Variants in AKAP6 observed in about 807,000 individuals in gnomAD.
AKAP6 encodes A-kinase anchor protein 6.
Under a neutral mutation model 188.5 loss-of-function variants are expected in AKAP6, and 58 were observed. That is an observed-to-expected ratio of 0.31 (90% CI 0.25 to 0.38). The LOEUF is 0.38. Ranked by LOEUF, AKAP6 falls within the 10% of genes least tolerant of loss-of-function variation. AKAP6 has a pLI of 1.00. For missense variants in AKAP6, 2,710 were observed against 2,740.0 expected (o/e 0.99, Z 0.24); for synonymous variants, 989 against 998.6 (o/e 0.99, Z 0.18).
intron 11 of AKAP6, among the ~76,000 whole-genome samples, chr14:32,769,036 G>GTTTTTTTTTT (rs1566698267): frequency 2.7e-4 from 5 of 18,502 alleles, no homozygotes; most frequent in Admixed American, 8.5e-4. Flanking sequence ...CTGCTCTTTT[G>GTTTTTTTTTT]ATTTTTTTTT....
chr14:32,609,882 C>CTG (rs1163895964), intron 7 of AKAP6, among the ~76,000 whole-genome samples: 34 of 17,778 alleles, frequency 1.9e-3, no homozygotes, highest in Admixed American at 4.4e-3. Flanking sequence ...CTCTCTCTGA[C>CTG]ACACACACAC....
At chr14:32,664,965 A>G (rs1888858762) in intron 7 of AKAP6, among the ~76,000 whole-genome samples, 1 of 152,254 alleles carries the variant, frequency 6.6e-6, no homozygotes, top group South Asian at 2.1e-4. Context: ...AGATTAATGC[A>G]TTTCAATCTT....
At chr14:32,680,314 G>A (rs1163787350) in intron 8 of AKAP6, among the ~76,000 whole-genome samples, 1 of 152,152 alleles carries the variant, frequency 6.6e-6, no homozygotes, top group East Asian at 1.9e-4. Context: ...ATACAGAAAA[G>A]CATTGTTTGA....
intron 4 of AKAP6, among the ~76,000 whole-genome samples, chr14:32,557,581 C>A (rs1883745392): frequency 6.6e-6 from 1 of 152,216 alleles, no homozygotes; most frequent in Non-Finnish European, 1.5e-5. Flanking sequence ...ACCCACCATG[C>A]ACCAGTGTTC....
chr14:32,762,312 A>T (rs1338470040), intron 11 of AKAP6, among the ~76,000 whole-genome samples: 4 of 152,160 alleles, frequency 2.6e-5, no homozygotes, highest in Non-Finnish European at 5.9e-5. Context: ...AGTTTTCTTT[A>T]GAGTAACTTA....
intron 12 of AKAP6, among the ~76,000 whole-genome samples, chr14:32,779,091 T>G (rs1024420289): frequency 6.6e-6 from 1 of 152,026 alleles, no homozygotes; most frequent in African/African-American, 2.4e-5. Context: ...GAGTTACATG[T>G]TGCCTATGAG....
At chr14:32,429,138 G>A (rs937493158) in intron 1 of AKAP6, among the ~76,000 whole-genome samples, 6 of 152,280 alleles carry the variant, frequency 3.9e-5, no homozygotes, top group Admixed American at 2.0e-4. Flanking sequence ...GTTGTAACTC[G>A]GTAGGCACCT....
intron 1 of AKAP6, among the ~76,000 whole-genome samples, chr14:32,371,356 A>T (rs1250199933): frequency 6.6e-6 from 1 of 152,224 alleles, no homozygotes; most frequent in Non-Finnish European, 1.5e-5. Context: ...AGGTAGGAGG[A>T]TCACTTGAGG....
At chr14:32,741,477 T>C (rs2031669911) in intron 11 of AKAP6, among the ~76,000 whole-genome samples, 1 of 152,042 alleles carries the variant, frequency 6.6e-6, no homozygotes, top group Non-Finnish European at 1.5e-5. Context: ...TCCCGTTCAA[T>C]GTGATACTAC....
intron 12 of AKAP6, among the ~76,000 whole-genome samples, chr14:32,797,543 A>G (rs2033808144): frequency 6.6e-6 from 1 of 152,148 alleles, no homozygotes; most frequent in South Asian, 2.1e-4. Flanking sequence ...GTTCTTACTT[A>G]TAAGTGGGAG....
chr14:32,498,092 C>T lies in AKAP6; in HGVS notation c.325-37462C>T, dbSNP rs988395497. Among the ~76,000 whole-genome samples the T allele has an allele frequency of 3.9e-5, 6 of 152,130 alleles. No homozygotes were observed. The South Asian group carries it at 6.2e-4, about 16-fold the overall frequency. ...GTAGAATTCACTGATAGTTTTCAGT[C>T]GTCCTTCTACAATTCCATTTCTACA... On this transcript the variant is annotated intron_variant, in intron 2 of 13. Transcript: ENST00000280979.
intron 9 of AKAP6, among the ~76,000 whole-genome samples, chr14:32,724,999 A>AAAAC (rs1555356198): frequency 6.8e-6 from 1 of 147,756 alleles, no homozygotes. Flanking sequence ...CTAAAAAAAA[A>AAAAC]AAAAAAAAAA....
chr14:32,355,143 G>T (rs753424924), intron 1 of AKAP6, among the ~76,000 whole-genome samples: 3 of 151,864 alleles, frequency 2.0e-5, no homozygotes, highest in Non-Finnish European at 2.9e-5. Flanking sequence ...TTCTTTTTAC[G>T]TACCTTAGAT....
chr14:32,735,750 A>G lies in AKAP6; in HGVS notation c.3240A>G (p.Val1080=), dbSNP rs756460054. 6 of 1,613,538 alleles carry G rather than the reference A, an allele frequency of 3.7e-6. No homozygotes were observed. In the Admixed American group the frequency reaches 1.0e-4, roughly 27 times the overall value. The part of the protein sequence containing the change: ...DLLSPESGSL[V]RQLEVRIKEL... ...TCTCTCCTGAAAGTGGAAGCCTGGT[A>G]AGGCAGCTGGAGGTCAGGATCAAAG... The change falls in exon 11 of 14, where the codon GTA becomes GTG. Residue 1080 remains valine, a synonymous_variant. Transcript: ENST00000280979.
At chr14:32,813,359 A>G (rs1397663881) in intron 12 of AKAP6, among the ~76,000 whole-genome samples, 3 of 150,852 alleles carry the variant, frequency 2.0e-5, no homozygotes, top group African/African-American at 4.9e-5. Flanking sequence ...TTGTTCAAGA[A>G]GAGTAGTTAC....
At chr14:32,827,703 G>A (rs1324279904) in intron 13 of AKAP6, among the ~76,000 whole-genome samples, 1 of 152,164 alleles carries the variant, frequency 6.6e-6, no homozygotes, top group Non-Finnish European at 1.5e-5. Context: ...CTAATTTGGA[G>A]GAAGCACATA....
intron 4 of AKAP6, among the ~76,000 whole-genome samples, chr14:32,576,497 T>TA (rs1884724072): frequency 6.6e-6 from 1 of 152,190 alleles, no homozygotes; most frequent in Non-Finnish European, 1.5e-5. Flanking sequence ...TGTCTGTACA[T>TA]ACCCGAAGTC....
chr14:32,546,583 G>T lies in AKAP6; in HGVS notation c.1930G>T (p.Ala644Ser). 6.2e-7 allele frequency: 1 copy of T among 1,614,194 alleles called. No homozygotes were observed. The highest frequency in any genetic ancestry group is 8.5e-7 in the Non-Finnish European group (1 of 1,180,024). Residue 644 changes from alanine (A) to serine (S), a missense_variant, in exon 4 of 14, where the codon GCT (alanine) becomes TCT (serine). Around this residue, in one of 2 missense-constraint regions of AKAP6, gnomAD observed 2,473 missense variants for 2,426.1 expected, o/e 1.02. Transcript: ENST00000280979. Reference protein sequence around the residue: ...PSHLKQTEVLALKLENLTKLL... With the variant: ...PSHLKQTEVLSLKLENLTKLL... ...TCACCTTAAGCAGACAGAAGTATTG[G>T]CTTTGAAGTTGGAAAACCTAACAAA...
chr14:32,476,105 A>G (rs1302736369), intron 2 of AKAP6, among the ~76,000 whole-genome samples: 1 of 149,382 alleles, frequency 6.7e-6, no homozygotes, highest in Non-Finnish European at 1.5e-5. Flanking sequence ...TGCAGAAATA[A>G]ACAATATATT....
Sources: gnomAD v4.1 joint callset for allele counts (sites outside exome capture counted in the v4.1 genomes callset) on GRCh38, gnomAD v4.1.1 for gene constraint, gnomAD v4.1.1 regional missense constraint, MANE v1.5 for transcripts, NCBI Gene and HGNC (gene_info 2026-07-23, HGNC 2026-07-21) for gene names.